The following CACNA1E variants were observed in gnomAD, a reference collection of about 807,000 sequenced individuals.
CACNA1E encodes calcium voltage-gated channel subunit alpha1 E.
CACNA1E carries 40 observed loss-of-function variants against 259.2 expected under a neutral mutation model. The ratio of observed to expected loss-of-function variants is 0.15; its 90% CI spans 0.12 to 0.20. CACNA1E has a LOEUF of 0.20. CACNA1E is among the 10% of genes least tolerant of loss of function. The probability of loss-of-function intolerance (pLI) is 1.00; values close to 1 mark genes in which losing one functional copy is unlikely to be tolerated. For synonymous variants in CACNA1E, 1,104 were observed against 1,138.5 expected (o/e 0.97, Z 0.61); for missense variants, 1,874 against 3,040.1 (o/e 0.62, Z 9.02).
At chr1:181,556,831 G>A (rs893148792) in intron 3 of CACNA1E, among the ~76,000 whole-genome samples, 1 of 152,190 alleles carries the variant, frequency 6.6e-6, no homozygotes, top group Non-Finnish European at 1.5e-5. Context: ...GGCTGCTGCT[G>A]CTGCTACAAA....
At chr1:181,778,547 G>A (rs565920845) in intron 38 of CACNA1E, among the ~76,000 whole-genome samples, 1 of 152,206 alleles carries the variant, frequency 6.6e-6, no homozygotes, top group Non-Finnish European at 1.5e-5. Context: ...GGTGTATACA[G>A]ACCTGCAGAT....
chr1:181,548,387 A>G (rs1472352450), intron 3 of CACNA1E, among the ~76,000 whole-genome samples: 1 of 152,024 alleles, frequency 6.6e-6, no homozygotes, highest in African/African-American at 2.4e-5. Flanking sequence ...TGGCCTCCCA[A>G]AGTGCTGGGA....
At chr1:181,665,503 CT>C (rs1319201722) in intron 7 of CACNA1E, among the ~76,000 whole-genome samples, 1 of 151,982 alleles carries the variant, frequency 6.6e-6, no homozygotes, top group Non-Finnish European at 1.5e-5. Context: ...AAAAAGATGG[CT>C]TTTTAGATAG....
chr1:181,674,834 G>A (rs1649211170), intron 7 of CACNA1E, among the ~76,000 whole-genome samples: 1 of 152,168 alleles, frequency 6.6e-6, no homozygotes. Flanking sequence ...TCACCTGCAG[G>A]TGCCAGCTCA....
intron 3 of CACNA1E, among the ~76,000 whole-genome samples, chr1:181,512,630 T>G (rs1256634351): frequency 3.3e-5 from 5 of 152,214 alleles, no homozygotes; most frequent in African/African-American, 1.2e-4. Flanking sequence ...AATACTCTTA[T>G]TTTTTAATCT....
chr1:181,597,752 C>T (rs189119462), intron 6 of CACNA1E, among the ~76,000 whole-genome samples: 6 of 152,236 alleles, frequency 3.9e-5, no homozygotes, highest in African/African-American at 1.2e-4. Context: ...ACAATCATGG[C>T]GGAAGGCATG....
chr1:181,328,327 A>G (rs921928633), intron 1 of CACNA1E, among the ~76,000 whole-genome samples: 1 of 152,140 alleles, frequency 6.6e-6, no homozygotes, highest in Admixed American at 6.5e-5. Flanking sequence ...CTCATGACCT[A>G]ATCACCTCCT....
intron 1 of CACNA1E, among the ~76,000 whole-genome samples, chr1:181,390,459 T>A (rs561354877): frequency 6.6e-6 from 1 of 152,248 alleles, no homozygotes; most frequent in African/African-American, 2.4e-5. Context: ...CTTCTGCGTG[T>A]CCTTCCTGCC....
At chr1:181,421,276 A>AT (rs1658723328) in intron 2 of CACNA1E, among the ~76,000 whole-genome samples, 1 of 152,182 alleles carries the variant, frequency 6.6e-6, no homozygotes, top group Non-Finnish European at 1.5e-5. Flanking sequence ...TAACCTCCGC[A>AT]TTTTTTGAGT....
At chr1:181,623,321 TC>T (rs1345626999) in intron 6 of CACNA1E, among the ~76,000 whole-genome samples, 5 of 152,210 alleles carry the variant, frequency 3.3e-5, no homozygotes, top group African/African-American at 4.8e-5. Context: ...CAAAATAAGT[TC>T]CTTAAGGACA....
chr1:181,755,881 C>G (rs1207024028), intron 28 of CACNA1E, 75 bp from the exon 29 acceptor site: 1 of 1,442,134 alleles, frequency 6.9e-7, no homozygotes. Flanking sequence ...TTATTGCGGC[C>G]TGTAGAATGT....
chr1:181,747,644 G>A (rs541074762), intron 25 of CACNA1E, among the ~76,000 whole-genome samples: 2 of 152,270 alleles, frequency 1.3e-5, no homozygotes, highest in African/African-American at 4.8e-5. Context: ...ATGAGGCAGT[G>A]TAAAAATATC....
At position 181,767,559 on chromosome 1, in the gene CACNA1E, C is replaced by T. The variant is rs1457998302; in HGVS notation, c.4881+948C>T. 2.0e-5 allele frequency among the ~76,000 whole-genome samples: 3 copies of T among 152,242 alleles called. No individual in the cohort carries two copies. The East Asian group carries it at 5.8e-4, about 29-fold the overall frequency. Reference sequence around the variant, plus strand: ...CCACCTGGAGCTGCTGCTGGAGTGTCCCAGCCTTGCTGTGTCTGCAGCCTT... The same window carrying T: ...CCACCTGGAGCTGCTGCTGGAGTGTTCCAGCCTTGCTGTGTCTGCAGCCTT... On this transcript the variant is annotated intron_variant, in intron 35 of 47. Coordinates refer to ENST00000367573, the MANE Select transcript of CACNA1E (RefSeq NM_001205293.3).
rs1384192509 is a variant in CACNA1E at position 181,798,406 on chromosome 1, T to A, written c.6514T>A (p.Tyr2172Asn). 1.9e-6 allele frequency: 3 copies of A among 1,613,584 alleles called. No individual in the cohort carries two copies. Among genetic ancestry groups the A allele is most frequent in the African/African-American group, 1.3e-5 (1 of 75,036 alleles). The change falls in exon 48 of 48, where the codon TAC becomes AAC. Residue 2172 changes from tyrosine to asparagine, a missense_variant. By Grantham distance (143) the Tyr-to-Asn change is moderately radical. This residue lies in a region of CACNA1E where 542 missense variants were observed against 587.2 expected (regional missense o/e 0.92). Coordinates refer to ENST00000367573, the MANE Select transcript of CACNA1E (RefSeq NM_001205293.3). The surrounding 1 kb of genome is among the most constrained non-coding windows in gnomAD (Gnocchi z 4.2). ...GCCAAAGCCCCGGCCCCTCCTTTCC[T>A]ACAGCTCCCTGATTCGACACGCGGG... ...VPPKPRPLLS[Y>N]SSLIRHAGSI...
At chr1:181,579,010 C>T (rs542199659) in intron 4 of CACNA1E, 62 bp from the exon 5 acceptor site, 2 of 1,366,220 alleles carry the variant, frequency 1.5e-6, no homozygotes, top group South Asian at 3.1e-5. Context: ...TGAAACTAAT[C>T]CTCCCCTATC....
chr1:181,656,880 G>A (rs1659249298), intron 7 of CACNA1E, among the ~76,000 whole-genome samples: 1 of 152,182 alleles, frequency 6.6e-6, no homozygotes, highest in Non-Finnish European at 1.5e-5. Flanking sequence ...GTAACATGCT[G>A]TATAGGTTTA....
At chr1:181,703,000 C>T (rs968821225) in intron 7 of CACNA1E, among the ~76,000 whole-genome samples, 3 of 152,122 alleles carry the variant, frequency 2.0e-5, no homozygotes, top group Admixed American at 6.6e-5. Flanking sequence ...GTCTTATTCT[C>T]TGGCCCAGGC....
At chr1:181,607,788 C>T (rs908336222) in intron 6 of CACNA1E, among the ~76,000 whole-genome samples, 2 of 152,058 alleles carry the variant, frequency 1.3e-5, no homozygotes, top group African/African-American at 4.8e-5. Flanking sequence ...AAGAAAGTTT[C>T]CTGCAGGAGG....
intron 8 of CACNA1E, 54 bp downstream of exon 8, chr1:181,711,123 C>A: frequency 8.3e-7 from 1 of 1,210,870 alleles, no homozygotes; most frequent in Non-Finnish European, 1.2e-6. Context: ...GACATCAGGG[C>A]CGGCCCCTCA....
Sources: gnomAD v4.1 joint callset for allele counts (sites outside exome capture counted in the v4.1 genomes callset) on GRCh38, gnomAD v4.1.1 for gene constraint, gnomAD v4.1.1 regional missense constraint, Gnocchi (gnomAD v3.1) non-coding constraint, MANE v1.5 for transcripts, NCBI Gene and HGNC (gene_info 2026-07-23, HGNC 2026-07-21) for gene names.